MUC4: variants seen among roughly 807,000 people sequenced by gnomAD.
MUC4 encodes the protein mucin 4, cell surface associated.
In MUC4, 202 loss-of-function variants were observed where a neutral mutation model predicts 257.9. The ratio of observed to expected loss-of-function variants is 0.78; its 90% confidence interval spans 0.70 to 0.88. The LOEUF (loss-of-function observed/expected upper bound fraction) is 0.88, where lower values mean the gene tolerates loss of function less well. Ranked by LOEUF, MUC4 falls within the 40% of genes least tolerant of loss-of-function variation. The pLI is 0.00. For synonymous variants in MUC4, 2,351 were observed against 2,757.1 expected (o/e 0.85, Z 4.62); for missense variants, 5,976 against 6,513.7 (o/e 0.92, Z 2.84).
At position 195,747,346 on chromosome 3, in the gene MUC4, C is replaced by T; in HGVS notation, c.16069G>A (p.Glu5357Lys). 1 of 1,614,042 alleles carries T rather than the reference C, an allele frequency of 6.2e-7. No individual in the cohort carries two copies. The highest frequency in any genetic ancestry group is 8.5e-7 in the Non-Finnish European group (1 of 1,179,888). Residue 5357 changes from glutamate to lysine, a missense_variant, in exon 25 of 25, where the codon GAG (glutamate) becomes AAG (lysine). Coordinates refer to ENST00000463781, the MANE Select transcript of MUC4 (RefSeq NM_018406.7). Reference protein sequence around the residue: ...VSFSIYTAWGEHCEHLSMKLD... With the variant: ...VSFSIYTAWGKHCEHLSMKLD... ...TTCATGCTCAGGTGCTCACAGTGCT[C>T]GCCCCAGGCCGTGTAGATGGAGAAG...
Position 195,781,264 on chromosome 3 carries a change from G to A in MUC4, c.10316C>T (p.Thr3439Ile), listed in dbSNP as rs1234922974. The change falls in exon 2 of 25, where the codon ACC (threonine) becomes ATC (isoleucine). Residue 3439 changes from threonine to isoleucine, a missense_variant. By Grantham distance (89) the Thr-to-Ile change is moderately conservative. Transcript: ENST00000463781. The part of the protein sequence containing the change: ...STSSASTGHA[T>I]PVPVTSTSSA... The stretch of plus-strand genomic sequence containing the variant: ...GGAAGTGCTGGTGACAGGAACAGGG[G>A]TGGCGTGACCGGTGGATGCTGAGGA... 1.9e-5 allele frequency: 29 copies of A among 1,504,730 alleles called. 1 individual carries two copies. Among genetic ancestry groups the A allele is most frequent in the Non-Finnish European group, 2.2e-5 (25 of 1,121,078 alleles). The allele number at this position is 1,504,730 out of a possible 1,614,324, so 93.2% of individuals were successfully genotyped here.
intron 15 of MUC4, 52 bp downstream of exon 15, chr3:195,761,432 A>C (rs1165405051): frequency 6.9e-6 from 10 of 1,450,172 alleles, no homozygotes; most frequent in Non-Finnish European, 5.8e-6. Flanking sequence ...CGACATAAAC[A>C]TACCGGCTCC....
rs764430854 is a variant in MUC4 at position 195,748,887 on chromosome 3, C to G, written c.16034+15G>C. On this transcript the variant is annotated intron_variant, in intron 24 of 24. Transcript: ENST00000463781. ...CCAGCACTGTCCTCCACCTCCTGGCCACAGCCCTATGCACCTGCAGCGGGG... is the reference window on the plus strand; with the variant it reads ...CCAGCACTGTCCTCCACCTCCTGGCGACAGCCCTATGCACCTGCAGCGGGG... 23 of 1,553,996 alleles carry G rather than the reference C, an allele frequency of 1.5e-5. No homozygotes were observed. Among genetic ancestry groups the G allele is most frequent in the Admixed American group, 1.2e-4 (6 of 50,764 alleles).
Position 195,789,897 on chromosome 3 carries a change from T to C in MUC4, c.1683A>G (p.Ala561=). Reference sequence around the variant, plus strand: ...CTTGTGTCCATTGTGTCTGGGCGCCTGCCCCTGTTGTTTTTGGGAGAGTTG... The same window carrying C: ...CTTGTGTCCATTGTGTCTGGGCGCCCGCCCCTGTTGTTTTTGGGAGAGTTG... ...HSTTLPKTTG[A]GAQTQWTQET... Residue 561 remains alanine (A), a synonymous_variant, in exon 2 of 25, where the codon GCA becomes GCG. Coordinates refer to ENST00000463781, the MANE Select transcript of MUC4 (RefSeq NM_018406.7). 6.2e-7 allele frequency: 1 copy of C among 1,613,952 alleles called. No homozygotes were observed. Among genetic ancestry groups the C allele is most frequent in the Middle Eastern group, 1.6e-4 (1 of 6,062 alleles).
At position 195,747,304 on chromosome 3, in the gene MUC4, C is replaced by G. The variant is rs762901289; in HGVS notation, c.16111G>C (p.Gly5371Arg). 24 of 1,614,024 alleles carry G rather than the reference C, an allele frequency of 1.5e-5. No homozygotes were observed. The Admixed American group carries it at 3.5e-4, about 24-fold the overall frequency. The change falls in exon 25 of 25, where the codon GGC becomes CGC. Residue 5371 changes from glycine (G) to arginine (R), a missense_variant. Around this residue, in one of 44 missense-constraint regions of MUC4, gnomAD observed 310 missense variants for 242.1 expected, o/e 1.28. Transcript: ENST00000463781. ...CCGCCCAGGGCCCCAAAGAAGATGCCGAAGAACGCGTCGAGTTTCATGCTC... is the reference window on the plus strand; with the variant it reads ...CCGCCCAGGGCCCCAAAGAAGATGCGGAAGAACGCGTCGAGTTTCATGCTC... ...HLSMKLDAFFGIFFGALGGLL... is the reference protein window; with the variant it reads ...HLSMKLDAFFRIFFGALGGLL...
In MUC4 at chr3:195,789,176, T is replaced by C; in HGVS notation, c.2404A>G (p.Thr802Ala). The C allele has an allele frequency of 6.2e-7, 1 of 1,613,840 alleles. No individual in the cohort carries two copies. Among genetic ancestry groups the C allele is most frequent in the Non-Finnish European group, 8.5e-7 (1 of 1,179,860 alleles). ...GCCCCGGATGAGGAAGGGGTAGCTG[T>C]GCCCGCTGAGGTGGTTCGTGACCCT... ...SSGSRTTSAG[T>A]ATPSSSGASG... is the part of the protein sequence containing the mutation. The change falls in exon 2 of 25, where the codon ACA becomes GCA. Residue 802 changes from threonine (T) to alanine (A), a missense_variant. Thr to Ala is a moderately conservative substitution (Grantham distance 58). Transcript: ENST00000463781.
At chr3:195,799,408 C>G (rs979011363) in intron 1 of MUC4, among the ~76,000 whole-genome samples, 2 of 152,202 alleles carry the variant, frequency 1.3e-5, no homozygotes, top group African/African-American at 4.8e-5. Flanking sequence ...CTCCGTGATT[C>G]TCCTGCTTCA....
chr3:195,811,143 TTATATTTATTTA>T (rs1316676717), intron 1 of MUC4, among the ~76,000 whole-genome samples: 109 of 135,790 alleles, frequency 8.0e-4, no homozygotes, highest in East Asian at 6.3e-3. Context: ...TTATTTTATT[TTATATTTATTTA>T]TTTATTTATT....
intron 16 of MUC4, among the ~76,000 whole-genome samples, chr3:195,759,481 C>A (rs1051144084): frequency 6.6e-6 from 1 of 152,166 alleles, no homozygotes; most frequent in Non-Finnish European, 1.5e-5. Flanking sequence ...TCTCCCCCCA[C>A]CTCCTCAAAA....
chr3:195,804,762 C>T (rs1232345384), intron 1 of MUC4, among the ~76,000 whole-genome samples: 6 of 152,224 alleles, frequency 3.9e-5, no homozygotes, highest in Admixed American at 6.5e-5. Flanking sequence ...GGCGCGCAGA[C>T]GCTGAACCGC....
rs1719132213 is a variant in MUC4 at position 195,762,208 on chromosome 3, G to A, written c.14391C>T (p.Gly4797=). The part of the protein sequence containing the change: ...NATGVLLSRN[G]SEVSASFDGW... ...CGTCGAAGCTGGCCGAGACCTCAGA[G>A]CCGTTGCGGCTCAGGAGGACTCCGG... The change falls in exon 14 of 25, where the codon GGC becomes GGT. Residue 4797 remains glycine (G), a synonymous_variant. Transcript: ENST00000463781. 6.3e-7 allele frequency: 1 copy of A among 1,597,672 alleles called. No individual in the cohort carries two copies. The highest frequency in any genetic ancestry group is 1.7e-5 in the Admixed American group (1 of 58,082).
At chr3:195,775,199 G>C (rs147768940) in intron 3 of MUC4, among the ~76,000 whole-genome samples, 13 of 152,028 alleles carry the variant, frequency 8.6e-5, no homozygotes, top group Admixed American at 7.2e-4. Flanking sequence ...GGCACCACTT[G>C]TTAAATGCCA....
At chr3:195,749,544 G>T (rs1715929357) in intron 23 of MUC4, among the ~76,000 whole-genome samples, 1 of 152,094 alleles carries the variant, frequency 6.6e-6, no homozygotes, top group Non-Finnish European at 1.5e-5. Context: ...ATTTAAATGA[G>T]ATAATGTGTC....
At chr3:195,765,215 G>A in intron 9 of MUC4, 55 bp downstream of exon 9, 7 of 1,588,778 alleles carry the variant, frequency 4.4e-6, no homozygotes, top group Non-Finnish European at 6.0e-6. Context: ...GAGGCTGAGG[G>A]CGTGAGCAGA....
At position 195,810,671 on chromosome 3, in the gene MUC4, G is replaced by A. The variant is rs79823639; in HGVS notation, c.82+1065C>T. 0.15 allele frequency among the ~76,000 whole-genome samples: 23,043 copies of A among 151,948 alleles called. 1,883 individuals carry two copies. The highest frequency in any genetic ancestry group is 0.18 in the Non-Finnish European group (12,043 of 67,910). On this transcript the variant is annotated intron_variant, in intron 1 of 24. Coordinates refer to ENST00000463781, the MANE Select transcript of MUC4 (RefSeq NM_018406.7). The surrounding 1 kb of genome is among the most constrained non-coding windows in gnomAD (Gnocchi z 4.2). ...CCTCCCGGCCCTCTGCGCCCTGGCC[G>A]CCTCCTCCGCACCACCCTCCCGGCC...
chr3:195,791,421 T>A lies in MUC4; in HGVS notation c.159A>T (p.Thr53=). 1 of 1,614,008 alleles carries A rather than the reference T, an allele frequency of 6.2e-7. No individual in the cohort carries two copies. Among genetic ancestry groups the A allele is most frequent in the South Asian group, 1.1e-5 (1 of 91,076 alleles). ...AAGCTGCAGTTGATTGTCCCTCTAGTGTCGCTGTTGTTGAGCCTGTTGAGG... is the reference window on the plus strand; with the variant it reads ...AAGCTGCAGTTGATTGTCCCTCTAGAGTCGCTGTTGTTGAGCCTGTTGAGG... The part of the protein sequence containing the change: ...PVTSTGSTTA[T]LEGQSTAASS... The change falls in exon 2 of 25, where the codon ACA becomes ACT. Residue 53 remains threonine (T), a synonymous_variant. Transcript: ENST00000463781.
At position 195,779,941 on chromosome 3, in the gene MUC4, G is replaced by A. The variant is rs1349913109; in HGVS notation, c.11639C>T (p.Ser3880Leu). The A allele has an allele frequency of 1.4e-6, 2 of 1,460,584 alleles. No individual in the cohort carries two copies. Among genetic ancestry groups the A allele is most frequent in the East Asian group, 5.1e-5 (2 of 38,940 alleles). 90.5% of individuals were successfully genotyped at this position (1,460,584 alleles called of 1,614,324 possible). ...AGGGGTGGTGTCACCTGTGGAAGCT[G>A]AGGAAAGGCCGGTAACAGGAAGAGG... ...ATPLPVTGLS[S>L]ASTGDTTPLP... is the part of the protein sequence containing the mutation. Residue 3880 changes from serine (S) to leucine (L), a missense_variant, in exon 2 of 25, where the codon TCA becomes TTA. By Grantham distance (145) the Ser-to-Leu change is moderately radical. Around this residue, in one of 44 missense-constraint regions of MUC4, gnomAD observed 330 missense variants for 262.0 expected, o/e 1.26. Coordinates refer to ENST00000463781, the MANE Select transcript of MUC4 (RefSeq NM_018406.7).
intron 6 of MUC4, 132 bp downstream of exon 6, chr3:195,770,084 G>A (rs1305535216): frequency 9.5e-6 from 9 of 945,440 alleles, no homozygotes; most frequent in African/African-American, 1.7e-5. Flanking sequence ...GGGGGGTGGC[G>A]GTGGGGGGGC....
Position 195,747,356 on chromosome 3 carries a change from C to G in MUC4, c.16059G>C (p.Thr5353=). The G allele has an allele frequency of 1.2e-6, 2 of 1,613,976 alleles. No individual in the cohort carries two copies. The highest frequency in any genetic ancestry group is 3.3e-4 in the Middle Eastern group (2 of 6,056). Residue 5353 remains threonine (T), a synonymous_variant, in exon 25 of 25, where the codon ACG becomes ACC. Coordinates refer to ENST00000463781, the MANE Select transcript of MUC4 (RefSeq NM_018406.7). ...GGTGCTCACAGTGCTCGCCCCAGGC[C>G]GTGTAGATGGAGAAGGACACACAGC... ...RCSCVSFSIY[T]AWGEHCEHLS...
Sources: gnomAD v4.1 joint callset for allele counts (sites outside exome capture counted in the v4.1 genomes callset) on GRCh38, gnomAD v4.1.1 for gene constraint, gnomAD v4.1.1 regional missense constraint, Gnocchi (gnomAD v3.1) non-coding constraint, MANE v1.5 for transcripts, NCBI Gene and HGNC (gene_info 2026-07-23, HGNC 2026-07-21) for gene names.